The following PRR16 variants were observed in gnomAD, a reference collection of about 807,000 sequenced individuals.
PRR16 encodes the protein protein Largen.
In PRR16, 6 loss-of-function variants were observed where a neutral mutation model predicts 18.2. The observed-to-expected ratio is 0.33, with a 90% CI of 0.18 to 0.65. PRR16 has a LOEUF of 0.65. Among genes scored for constraint, PRR16 ranks in the 30% least tolerant of loss-of-function variants. PRR16 has a pLI of 0.74. For missense variants in PRR16, 412 were observed against 376.6 expected, an observed-to-expected ratio of 1.09 and a Z score of -0.78; for synonymous variants, 151 against 147.8, an observed-to-expected ratio of 1.02 and a Z score of -0.16.
chr5:120,593,622 T>C (rs113183185), intron 1 of PRR16, among the ~76,000 whole-genome samples: 2,289 of 152,126 alleles, frequency 0.015, 64 homozygotes, highest in African/African-American at 0.052. Context: ...CAAAAAATTC[T>C]GGAGGAGGTA....
the PRR16 span, among the ~76,000 whole-genome samples, chr5:120,719,239 T>C: frequency 6.6e-6 from 1 of 152,026 alleles, no homozygotes; most frequent in South Asian, 2.1e-4. Context: ...TTTTCAGACC[T>C]AGTGAGTTTG....
At chr5:120,713,430 TAATA>T in the PRR16 span, among the ~76,000 whole-genome samples, 1 of 152,160 alleles carries the variant, frequency 6.6e-6, no homozygotes, top group Non-Finnish European at 1.5e-5. Flanking sequence ...TATTTTTTCT[TAATA>T]AGAAATAGTA....
At chr5:120,671,535 A>G (rs1392781441) in intron 1 of PRR16, among the ~76,000 whole-genome samples, 1 of 152,166 alleles carries the variant, frequency 6.6e-6, no homozygotes, top group Non-Finnish European at 1.5e-5. Flanking sequence ...TGATCTTTTT[A>G]ACAAGTAATT....
In PRR16 at chr5:120,686,470, A is replaced by G. The variant is rs1355197922; in HGVS notation, c.676A>G (p.Ile226Val). ...TCCTGACTGTGATACCCGGTATAAC[A>G]TAAAAAACAGGGAGGTCCACTTACA... ...YCPDCDTRYNIKNREVHLHSE... is the reference protein window; with the variant it reads ...YCPDCDTRYNVKNREVHLHSE... Residue 226 changes from isoleucine to valine, a missense_variant, in exon 2 of 2, where the codon ATA (isoleucine) becomes GTA (valine). Physicochemically the swap from Ile to Val is conservative, Grantham distance 29. Coordinates refer to ENST00000407149, the MANE Select transcript of PRR16 (RefSeq NM_001300783.2). The G allele has an allele frequency of 6.2e-7, 1 of 1,614,136 alleles. No individual in the cohort carries two copies. The highest frequency in any genetic ancestry group is 8.5e-7 in the Non-Finnish European group (1 of 1,180,010).
chr5:120,672,238 C>CTGTG (rs3048020), intron 1 of PRR16, among the ~76,000 whole-genome samples: 9,421 of 134,974 alleles, frequency 0.07, 475 homozygotes, highest in African/African-American at 0.13. Context: ...GGTGAGGGGT[C>CTGTG]TGTGTGTGTG....
chr5:120,642,038 C>T (rs1311867889), intron 1 of PRR16, among the ~76,000 whole-genome samples: 2 of 152,068 alleles, frequency 1.3e-5, no homozygotes, highest in Non-Finnish European at 2.9e-5. Context: ...TTACCCTCTA[C>T]ATCTAATCAA....
chr5:120,679,648 G>GA (rs1756910673), intron 1 of PRR16, among the ~76,000 whole-genome samples: 1 of 152,030 alleles, frequency 6.6e-6, no homozygotes, highest in Non-Finnish European at 1.5e-5. Flanking sequence ...GCTAATGTTA[G>GA]ATATTTACTA....
At chr5:120,665,684 A>T (rs1447220883) in intron 1 of PRR16, among the ~76,000 whole-genome samples, 2 of 152,162 alleles carry the variant, frequency 1.3e-5, no homozygotes, top group African/African-American at 2.4e-5. Context: ...ATGGCTAGCC[A>T]GTTTTCCCAG....
the PRR16 span, among the ~76,000 whole-genome samples, chr5:120,715,163 A>G: frequency 1.3e-5 from 2 of 151,976 alleles, no homozygotes; most frequent in African/African-American, 4.8e-5. Context: ...TTTTGTTATC[A>G]TCTCCTCTGT....
intron 1 of PRR16, among the ~76,000 whole-genome samples, chr5:120,677,980 G>A (rs4895270): frequency 0.47 from 67,820 of 143,956 alleles, 16,482 homozygotes; most frequent in East Asian, 0.85. Flanking sequence ...CGCGATCTCG[G>A]CTCACTGCAA....
intron 1 of PRR16, among the ~76,000 whole-genome samples, chr5:120,575,417 C>T (rs1328389255): frequency 1.5e-4 from 23 of 150,918 alleles, no homozygotes; most frequent in African/African-American, 5.1e-4. Flanking sequence ...AAAATACTAG[C>T]TAGCAAACTG....
intron 1 of PRR16, among the ~76,000 whole-genome samples, chr5:120,598,953 T>G (rs1429115416): frequency 1.3e-5 from 2 of 151,910 alleles, no homozygotes; most frequent in South Asian, 2.1e-4. Context: ...TTAATTTCTT[T>G]ATATTATAGG....
the PRR16 span, among the ~76,000 whole-genome samples, chr5:120,763,541 C>G: frequency 1.3e-5 from 2 of 151,966 alleles, no homozygotes; most frequent in East Asian, 3.9e-4. Context: ...ACTGTTTGAG[C>G]TTTCTTTTGG....
At chr5:120,667,787 A>T (rs190495857) in intron 1 of PRR16, among the ~76,000 whole-genome samples, 3 of 151,982 alleles carry the variant, frequency 2.0e-5, no homozygotes, top group African/African-American at 7.3e-5. Flanking sequence ...CTTAATCCTG[A>T]GTTCTAGTTT....
chr5:120,518,219 G>A (rs1388718370), intron 1 of PRR16, among the ~76,000 whole-genome samples: 1 of 152,084 alleles, frequency 6.6e-6, no homozygotes, highest in Non-Finnish European at 1.5e-5. Context: ...ACTCAGAAAA[G>A]CAAGTTTTTA....
At chr5:120,716,622 T>A in the PRR16 span, among the ~76,000 whole-genome samples, 1 of 152,194 alleles carries the variant, frequency 6.6e-6, no homozygotes, top group African/African-American at 2.4e-5. Context: ...ACGCCTGTAT[T>A]CCCAGAACTT....
At chr5:120,727,168 T>C in the PRR16 span, among the ~76,000 whole-genome samples, 1 of 152,098 alleles carries the variant, frequency 6.6e-6, no homozygotes, top group African/African-American at 2.4e-5. Flanking sequence ...TACTTTTTTC[T>C]CTTTTTTGTG....
chr5:120,758,017 T>A, the PRR16 span, among the ~76,000 whole-genome samples: 5 of 61,890 alleles, frequency 8.1e-5, no homozygotes, highest in Non-Finnish European at 1.6e-4. Context: ...TATGGCTACT[T>A]TTGTAATTTT....
the PRR16 span, among the ~76,000 whole-genome samples, chr5:120,776,864 T>A: frequency 6.6e-6 from 1 of 152,122 alleles, no homozygotes; most frequent in African/African-American, 2.4e-5. Flanking sequence ...CCGTAATTCT[T>A]ATTATTGTTG....
Sources: allele counts gnomAD v4.1 joint callset (sites outside exome capture counted in the v4.1 genomes callset), GRCh38; gene constraint gnomAD v4.1.1; transcripts MANE v1.5; gene names NCBI Gene and HGNC (gene_info 2026-07-23, HGNC 2026-07-21).